The following PTPRD variants were observed in gnomAD, a reference collection of about 807,000 sequenced individuals.
PTPRD encodes the protein receptor-type tyrosine-protein phosphatase delta.
A neutral mutation model predicts 214.5 loss-of-function variants in PTPRD; 34 were observed. The observed-to-expected ratio is 0.16, with a 90% CI of 0.12 to 0.21. PTPRD has a LOEUF of 0.21. Among genes scored for constraint, PTPRD ranks in the 10% least tolerant of loss-of-function variants. The pLI is 1.00. For synonymous variants in PTPRD, 1,128 were observed against 845.7 expected, an observed-to-expected ratio of 1.33 and a Z score of -5.79; for missense variants, 2,545 against 2,398.7, an observed-to-expected ratio of 1.06 and a Z score of -1.27.
chr9:9,021,916 C>T (rs1051765935), intron 10 of PTPRD, among the ~76,000 whole-genome samples: 89 of 150,942 alleles, frequency 5.9e-4, no homozygotes, highest in African/African-American at 2.1e-3. Flanking sequence ...AAAATCTTAG[C>T]TTACAATGAG....
At chr9:8,987,478 G>A (rs75039688) in intron 11 of PTPRD, among the ~76,000 whole-genome samples, 4,243 of 152,190 alleles carry the variant, frequency 0.028, 176 homozygotes, top group African/African-American at 0.096. Context: ...ACAATAGGTG[G>A]TGGTAATCAT....
intron 14 of PTPRD, among the ~76,000 whole-genome samples, chr9:8,535,960 T>C (rs946851874): frequency 6.6e-6 from 1 of 151,880 alleles, no homozygotes; most frequent in Non-Finnish European, 1.5e-5. Context: ...AAATTTAAAA[T>C]TTTACCTAAT....
chr9:10,368,138 C>T (rs1182991060), intron 2 of PTPRD, among the ~76,000 whole-genome samples: 1 of 152,048 alleles, frequency 6.6e-6, no homozygotes, highest in East Asian at 1.9e-4. Flanking sequence ...GCCTTTGACA[C>T]ATATTGGTAA....
intron 3 of PTPRD, among the ~76,000 whole-genome samples, chr9:10,161,692 A>T (rs1315946729): frequency 6.6e-6 from 1 of 151,798 alleles, no homozygotes; most frequent in Non-Finnish European, 1.5e-5. Context: ...ATAATAGCTG[A>T]ATGGGATTAT....
At chr9:9,965,416 G>T (rs1396074789) in intron 4 of PTPRD, among the ~76,000 whole-genome samples, 2 of 152,150 alleles carry the variant, frequency 1.3e-5, no homozygotes, top group Non-Finnish European at 2.9e-5. Context: ...TCACGGATTA[G>T]CAGAAAAGGG....
At chr9:9,508,871 A>T (rs977222772) in intron 8 of PTPRD, among the ~76,000 whole-genome samples, 26 of 151,552 alleles carry the variant, frequency 1.7e-4, no homozygotes, top group Non-Finnish European at 3.4e-4. Flanking sequence ...ACAAGGCATT[A>T]TGTGGTGGCC....
intron 17 of PTPRD, among the ~76,000 whole-genome samples, chr9:8,526,338 C>T (rs1160635476): frequency 6.6e-6 from 1 of 151,148 alleles, no homozygotes; most frequent in Non-Finnish European, 1.5e-5. Context: ...AGATGGTACG[C>T]TGTGACTGGT....
chr9:9,422,257 G>A (rs1472261936), intron 8 of PTPRD, among the ~76,000 whole-genome samples: 1 of 152,100 alleles, frequency 6.6e-6, no homozygotes, highest in Non-Finnish European at 1.5e-5. Flanking sequence ...CTTGCTCCAG[G>A]TCACACAGCT....
chr9:8,624,311 T>C lies in PTPRD; in HGVS notation c.352+9006A>G, dbSNP rs184921462. The stretch of plus-strand genomic sequence containing the variant: ...CAAAATAACTTGGTAATACTGTATG[T>C]TTTCAGATTGTTGTATCATCCTATT... On this transcript the variant is annotated intron_variant, in intron 14 of 45. Coordinates refer to ENST00000381196, the MANE Select transcript of PTPRD (RefSeq NM_002839.4). Among the ~76,000 whole-genome samples, 516 of 152,056 alleles carry C rather than the reference T, an allele frequency of 3.4e-3. 10 individuals are homozygous for C. The highest frequency in any genetic ancestry group is 1.5e-3 in the Non-Finnish European group (103 of 67,884).
chr9:8,802,630 T>C (rs964120624), intron 11 of PTPRD, among the ~76,000 whole-genome samples: 2 of 152,116 alleles, frequency 1.3e-5, no homozygotes, highest in African/African-American at 4.8e-5. Flanking sequence ...TCCTTCCTTC[T>C]AGGTCAATTT....
intron 39 of PTPRD, among the ~76,000 whole-genome samples, chr9:8,358,454 T>G (rs2133737916): frequency 6.6e-6 from 1 of 152,280 alleles, no homozygotes; most frequent in African/African-American, 2.4e-5. Flanking sequence ...AACAAAAATT[T>G]TATGGAATTT....
At chr9:10,151,733 C>T (rs992386076) in intron 3 of PTPRD, among the ~76,000 whole-genome samples, 1 of 152,138 alleles carries the variant, frequency 6.6e-6, no homozygotes, top group Non-Finnish European at 1.5e-5. Flanking sequence ...AAAATTGTCT[C>T]TGCAGCTATT....
intron 11 of PTPRD, among the ~76,000 whole-genome samples, chr9:8,960,034 A>C (rs1200767672): frequency 6.6e-6 from 1 of 152,004 alleles, no homozygotes; most frequent in Non-Finnish European, 1.5e-5. Context: ...GAAATTTACC[A>C]ATATTGTAGG....
At chr9:10,315,397 T>C (rs980272435) in intron 3 of PTPRD, among the ~76,000 whole-genome samples, 1 of 151,938 alleles carries the variant, frequency 6.6e-6, no homozygotes, top group Non-Finnish European at 1.5e-5. Context: ...CTTTATTACA[T>C]CTATCAGTAT....
At chr9:9,305,294 T>A (rs1956789828) in intron 9 of PTPRD, among the ~76,000 whole-genome samples, 2 of 152,060 alleles carry the variant, frequency 1.3e-5, no homozygotes, top group African/African-American at 4.8e-5. Context: ...TTGGTAGGTT[T>A]TCCAGAGAAA....
chr9:9,425,719 G>A (rs2080609251), intron 8 of PTPRD, among the ~76,000 whole-genome samples: 1 of 151,954 alleles, frequency 6.6e-6, no homozygotes, highest in Non-Finnish European at 1.5e-5. Flanking sequence ...AGCAAAGGTA[G>A]CTTCTTGAGA....
chr9:9,119,279 T>G (rs2099815330), intron 10 of PTPRD, among the ~76,000 whole-genome samples: 1 of 152,216 alleles, frequency 6.6e-6, no homozygotes, highest in African/African-American at 2.4e-5. Flanking sequence ...CCAGCTGGCC[T>G]AGTTTCTATC....
In PTPRD at chr9:8,557,465, G is replaced by A. The variant is rs1363643998; in HGVS notation, c.353-28686C>T. On this transcript the variant is annotated intron_variant, in intron 14 of 45. Transcript: ENST00000381196. Reference sequence around the variant, plus strand: ...ATATATATATATATATATTTGGGCCGGGCGCGGTGGCTCATCCCCGTAATC... The same window carrying A: ...ATATATATATATATATATTTGGGCCAGGCGCGGTGGCTCATCCCCGTAATC... Among the ~76,000 whole-genome samples the A allele has an allele frequency of 8.8e-5, 11 of 124,570 alleles. 1 individual carries two copies. The highest frequency in any genetic ancestry group is 2.5e-4 in the African/African-American group (5 of 19,720). 81.7% of individuals were successfully genotyped at this position (124,570 alleles called of 152,430 possible). A position where few individuals can be genotyped will look rare whatever the true frequency, so the allele number is the denominator to read the frequency against.
At chr9:9,620,980 C>T (rs1035888091) in intron 7 of PTPRD, among the ~76,000 whole-genome samples, 1 of 152,074 alleles carries the variant, frequency 6.6e-6, no homozygotes, top group Admixed American at 6.5e-5. Flanking sequence ...GGAGAATTAT[C>T]ATACCAATAG....
Sources: gnomAD v4.1 joint callset for allele counts (sites outside exome capture counted in the v4.1 genomes callset) on GRCh38, gnomAD v4.1.1 for gene constraint, MANE v1.5 for transcripts, NCBI Gene and HGNC (gene_info 2026-07-23, HGNC 2026-07-21) for gene names.